Variants in NRCAM observed in about 807,000 individuals in gnomAD.
NRCAM encodes the protein NgCAM-related cell adhesion molecule.
NRCAM carries 83 observed loss-of-function variants against 156.5 expected under a neutral mutation model. The ratio of observed to expected loss-of-function variants is 0.53; its 90% CI spans 0.44 to 0.64. NRCAM has a LOEUF of 0.64. Ranked by LOEUF, NRCAM falls within the 30% of genes least tolerant of loss-of-function variation. The pLI is 0.00. For synonymous variants in NRCAM, 538 were observed against 563.9 expected, an observed-to-expected ratio of 0.95 and a Z score of 0.65; for missense variants, 1,417 against 1,597.3, an observed-to-expected ratio of 0.89 and a Z score of 1.92.
intron 2 of NRCAM, among the ~76,000 whole-genome samples, chr7:108,318,998 T>C (rs1199128490): frequency 6.6e-6 from 1 of 152,124 alleles, no homozygotes; most frequent in Admixed American, 6.5e-5. Context: ...ACATGAAGAG[T>C]CATTGTTTAA....
At position 108,386,450 on chromosome 7, in the gene NRCAM, T is replaced by A. The variant is rs2099741161; in HGVS notation, c.-174+12986A>T. Among the ~76,000 whole-genome samples the A allele has an allele frequency of 2.6e-5, 4 of 152,202 alleles. No individual in the cohort carries two copies. In the South Asian group the frequency reaches 6.2e-4, roughly 24 times the overall value. ...TAAATTATTCTTCAAAGTTGCAGAC[T>A]TCCTGTTGTTGTTCCAAAGCCTTTC... is the stretch of plus-strand genomic sequence containing the variant. On this transcript the variant is annotated intron_variant, in intron 2 of 32. Transcript: ENST00000379028.
chr7:108,226,383 A>G lies in NRCAM; in HGVS notation c.551-5T>C. On this transcript the variant is annotated splice_polypyrimidine_tract_variant and splice_region_variant and intron_variant, in intron 8 of 32. Transcript: ENST00000379028. ...TTTGTGGAAGTCTTTGAAAGGCTGG[A>G]GAAAGGCAGAGAGATATCAAGATTA... 2.5e-6 allele frequency: 4 copies of G among 1,607,558 alleles called. No homozygotes were observed. The South Asian group carries it at 4.4e-5, about 18-fold the overall frequency.
intron 29 of NRCAM, among the ~76,000 whole-genome samples, chr7:108,168,065 T>A (rs2055917530): frequency 6.6e-6 from 1 of 152,244 alleles, no homozygotes; most frequent in South Asian, 2.1e-4. Flanking sequence ...ACATATGCCC[T>A]CTGTTATTAA....
intron 1 of NRCAM, among the ~76,000 whole-genome samples, chr7:108,400,890 C>A: frequency 6.6e-6 from 1 of 152,056 alleles, no homozygotes; most frequent in East Asian, 1.9e-4. Context: ...AAGACATGAG[C>A]CACACTGATG....
intron 32 of NRCAM, among the ~76,000 whole-genome samples, chr7:108,150,536 A>C (rs2040730739): frequency 6.6e-6 from 1 of 152,198 alleles, no homozygotes; most frequent in South Asian, 2.1e-4. Context: ...AGTATGTTAA[A>C]CTGCATAATA....
In NRCAM at chr7:108,184,413, T is replaced by C; in HGVS notation, c.2233+4A>G. On this transcript the variant is annotated splice_donor_region_variant and intron_variant, in intron 21 of 32. Transcript: ENST00000379028. ...ACCCTAGAAGTCCCGCTTTCCCGCT[T>C]TACCTGAGGCTTTCGTCAAATACTG... 1 of 1,614,172 alleles carries C rather than the reference T, an allele frequency of 6.2e-7. No individual in the cohort carries two copies. The highest frequency in any genetic ancestry group is 1.1e-5 in the South Asian group (1 of 91,080).
At chr7:108,256,041 G>A (rs1487596435) in intron 3 of NRCAM, among the ~76,000 whole-genome samples, 1 of 151,430 alleles carries the variant, frequency 6.6e-6, no homozygotes, top group African/African-American at 2.4e-5. Context: ...ACCCCGTCCG[G>A]GAGGTGGGGG....
chr7:108,316,363 G>A (rs373432178), intron 2 of NRCAM, among the ~76,000 whole-genome samples: 2 of 152,306 alleles, frequency 1.3e-5, no homozygotes, highest in African/African-American at 2.4e-5. Context: ...CCAGAACCAT[G>A]AGCCAAATAC....
intron 30 of NRCAM, 53 bp from the exon 31 acceptor site, chr7:108,160,545 C>T: frequency 1.3e-6 from 2 of 1,539,666 alleles, no homozygotes; most frequent in East Asian, 2.3e-5. Context: ...GAGATGGGAA[C>T]TGCTGCAGTC....
rs1269634 is a variant in NRCAM, at chr7:108,240,168, A to G, written c.-104T>C. The G allele has an allele frequency of 0.47, 329,378 of 705,728 alleles. 84,132 individuals carry two copies. Among genetic ancestry groups the G allele is most frequent in the East Asian group, 0.83 (32,516 of 39,174 alleles). The allele number at this position is 705,728 out of a possible 1,614,324, so 43.7% of individuals were successfully genotyped here. A position where few individuals can be genotyped will look rare whatever the true frequency, so the allele number is the denominator to read the frequency against. On this transcript the variant is annotated splice_region_variant and 5_prime_UTR_variant, in exon 4 of 33. Coordinates refer to ENST00000379028, the MANE Select transcript of NRCAM (RefSeq NM_001037132.4). ...AACGTTTAAGTAATTTTCATGCGGG[A>G]AACTGAAAAAGGATAGAGTAGGAAT... is the stretch of plus-strand genomic sequence containing the variant.
At chr7:108,431,129 A>G (rs1824554647) in intron 1 of NRCAM, among the ~76,000 whole-genome samples, 2 of 152,180 alleles carry the variant, frequency 1.3e-5, no homozygotes, top group Admixed American at 1.3e-4. Context: ...CTCCATAATA[A>G]TCCTGAGAAG....
intron 2 of NRCAM, among the ~76,000 whole-genome samples, chr7:108,347,055 T>TTG (rs60012938): frequency 1.4e-5 from 2 of 143,862 alleles, no homozygotes; most frequent in African/African-American, 2.7e-5. Context: ...TTTTTTTTTT[T>TTG]GAGACAGACT....
At chr7:108,391,282 G>A (rs1480894563) in intron 2 of NRCAM, among the ~76,000 whole-genome samples, 2 of 152,180 alleles carry the variant, frequency 1.3e-5, no homozygotes, top group East Asian at 3.9e-4. Context: ...ATATATTTAG[G>A]ATAGTTAGCT....
At chr7:108,253,345 TG>T (rs1200925316) in intron 3 of NRCAM, among the ~76,000 whole-genome samples, 1 of 152,118 alleles carries the variant, frequency 6.6e-6, no homozygotes, top group Non-Finnish European at 1.5e-5. Flanking sequence ...TGTATCCAAT[TG>T]TGTTCAAGAG....
intron 2 of NRCAM, among the ~76,000 whole-genome samples, chr7:108,314,054 T>C (rs904503679): frequency 2.0e-5 from 3 of 152,212 alleles, no homozygotes; most frequent in Non-Finnish European, 4.4e-5. Flanking sequence ...CAAAACGCTC[T>C]AAAAAGCACA....
intron 11 of NRCAM, among the ~76,000 whole-genome samples, chr7:108,219,948 A>G (rs73414349): frequency 0.054 from 8,254 of 152,234 alleles, 257 homozygotes; most frequent in Middle Eastern, 0.071. Context: ...TTACCTTGAA[A>G]ACCTTAAAGA....
At chr7:108,177,851 T>C (rs1049414734) in intron 26 of NRCAM, 139 bp downstream of exon 26, 11 of 598,776 alleles carry the variant, frequency 1.8e-5, no homozygotes, top group Non-Finnish European at 2.3e-5. Flanking sequence ...AAGATGAATA[T>C]GCGAATTCCC....
At chr7:108,325,821 A>T (rs1231325673) in intron 2 of NRCAM, among the ~76,000 whole-genome samples, 1 of 152,134 alleles carries the variant, frequency 6.6e-6, no homozygotes, top group Non-Finnish European at 1.5e-5. Flanking sequence ...TTAACTCCAC[A>T]GAGTGATCAG....
intron 30 of NRCAM, among the ~76,000 whole-genome samples, chr7:108,164,540 G>A (rs555818881): frequency 1.0e-4 from 3 of 28,580 alleles, no homozygotes; most frequent in African/African-American, 3.3e-4. Flanking sequence ...TCCTTACACC[G>A]CGGAACCGAG....
Sources: allele counts gnomAD v4.1 joint callset (sites outside exome capture counted in the v4.1 genomes callset), GRCh38; gene constraint gnomAD v4.1.1; transcripts MANE v1.5; gene names NCBI Gene and HGNC (gene_info 2026-07-23, HGNC 2026-07-21).